SDC2: variants seen among roughly 807,000 people sequenced by gnomAD.
SDC2 encodes syndecan-2.
A neutral mutation model predicts 22.2 loss-of-function variants in SDC2; 13 were observed. That is an observed-to-expected ratio of 0.59 (90% CI 0.38 to 0.93). The LOEUF (loss-of-function observed/expected upper bound fraction) is 0.93. Ranked by LOEUF, SDC2 falls within the 40% of genes least tolerant of loss-of-function variation. The pLI is 0.00. For synonymous variants in SDC2, 94 were observed against 92.8 expected (o/e 1.01, Z -0.07); for missense variants, 235 against 246.8 (o/e 0.95, Z 0.32).
At chr8:96,498,810 C>T (rs1014402187) in intron 1 of SDC2, among the ~76,000 whole-genome samples, 3 of 152,204 alleles carry the variant, frequency 2.0e-5, no homozygotes, top group Non-Finnish European at 4.4e-5. Context: ...TCCTGCAGCA[C>T]TAATCTTGAT....
intron 4 of SDC2, 28 bp from the exon 5 acceptor site, chr8:96,609,357 A>G (rs755923185): frequency 2.7e-5 from 43 of 1,588,264 alleles, no homozygotes; most frequent in East Asian, 4.5e-5. Context: ...AATCTCTTCT[A>G]AAGTAATCTT....
chr8:96,573,917 T>A (rs1814443971), intron 1 of SDC2, among the ~76,000 whole-genome samples: 1 of 152,030 alleles, frequency 6.6e-6, no homozygotes, highest in South Asian at 2.1e-4. Flanking sequence ...ACACACACCC[T>A]ACCCTTTATC....
rs2130436588 is a variant in SDC2 at position 96,508,703 on chromosome 8, T to A, written c.60+14372T>A. ...TCATTGTCTATAACTGTCTCACAAC[T>A]GCTAGGCGGTATTACTTGCCAAGGC... is the stretch of plus-strand genomic sequence containing the variant. On this transcript the variant is annotated intron_variant, in intron 1 of 4. Transcript: ENST00000302190. 1.4e-5 allele frequency among the ~76,000 whole-genome samples: 2 copies of A among 142,006 alleles called. 1 individual carries two copies. Among genetic ancestry groups the A allele is most frequent in the East Asian group, 3.9e-4 (2 of 5,122 alleles). 93.2% of individuals were successfully genotyped at this position (142,006 alleles called of 152,430 possible).
intron 1 of SDC2, among the ~76,000 whole-genome samples, chr8:96,572,297 C>T (rs566594127): frequency 3.9e-5 from 6 of 152,298 alleles, no homozygotes; most frequent in Non-Finnish European, 7.4e-5. Context: ...AATCTTTCAT[C>T]TTATGGAAAG....
chr8:96,569,398 C>T (rs557027963), intron 1 of SDC2, among the ~76,000 whole-genome samples: 187 of 152,280 alleles, frequency 1.2e-3, no homozygotes, highest in South Asian at 4.8e-3. Context: ...GTTAGGTTCT[C>T]TTACTGGGCC....
rs989399780 is a variant in SDC2 at position 96,506,995 on chromosome 8, C to T, written c.60+12664C>T. Among the ~76,000 whole-genome samples the T allele has an allele frequency of 2.1e-4, 27 of 130,782 alleles. 1 individual carries two copies. The highest frequency in any genetic ancestry group is 7.9e-4 in the African/African-American group (26 of 32,742). 85.8% of individuals were successfully genotyped at this position (130,782 alleles called of 152,430 possible). On this transcript the variant is annotated intron_variant, in intron 1 of 4. Transcript: ENST00000302190. ...CCGCACTCCAGCCTGGGCAACAGAGCGAGACTCTGTCTCAGGAAAAAAAAA... is the reference window on the plus strand; with the variant it reads ...CCGCACTCCAGCCTGGGCAACAGAGTGAGACTCTGTCTCAGGAAAAAAAAA...
chr8:96,587,378 T>C (rs1814704558), intron 1 of SDC2, among the ~76,000 whole-genome samples: 2 of 152,336 alleles, frequency 1.3e-5, no homozygotes, highest in South Asian at 4.1e-4. Flanking sequence ...TACTAGTTAG[T>C]TCTCTGTAAA....
intron 1 of SDC2, among the ~76,000 whole-genome samples, chr8:96,542,552 G>A (rs985579081): frequency 2.0e-5 from 3 of 152,010 alleles, no homozygotes; most frequent in African/African-American, 7.3e-5. Context: ...TTTTCCAGTG[G>A]TCTCAAAGAA....
intron 3 of SDC2, among the ~76,000 whole-genome samples, chr8:96,604,928 C>T (rs1221637589): frequency 3.9e-5 from 6 of 152,172 alleles, no homozygotes; most frequent in Non-Finnish European, 7.3e-5. Context: ...TGCTTCCATA[C>T]GATAAAACAT....
chr8:96,591,497 G>C (rs922246621), intron 1 of SDC2, among the ~76,000 whole-genome samples: 3 of 152,094 alleles, frequency 2.0e-5, no homozygotes, highest in African/African-American at 7.2e-5. Flanking sequence ...CATTTTGAGA[G>C]GGACAGAGAA....
At chr8:96,501,400 G>A (rs890130675) in intron 1 of SDC2, among the ~76,000 whole-genome samples, 7 of 128,762 alleles carry the variant, frequency 5.4e-5, no homozygotes, top group Non-Finnish European at 7.8e-5. Context: ...TCCTCCCCCC[G>A]TTCAAGTGAA....
intron 1 of SDC2, among the ~76,000 whole-genome samples, chr8:96,568,733 A>G (rs192156299): frequency 5.9e-5 from 9 of 152,346 alleles, no homozygotes; most frequent in African/African-American, 1.9e-4. Context: ...TCAGGCCACC[A>G]TTTTAGAAGT....
intron 1 of SDC2, among the ~76,000 whole-genome samples, chr8:96,560,829 G>C (rs1490756335): frequency 6.6e-6 from 1 of 152,172 alleles, no homozygotes; most frequent in Non-Finnish European, 1.5e-5. Flanking sequence ...AGATATGCCG[G>C]GCGTGATGGC....
intron 1 of SDC2, among the ~76,000 whole-genome samples, chr8:96,515,613 A>G (rs1455134076): frequency 6.6e-6 from 1 of 152,184 alleles, no homozygotes. Flanking sequence ...GAAAATTCCC[A>G]GCAGATTTTT....
At chr8:96,552,830 G>T (rs1166119257) in intron 1 of SDC2, among the ~76,000 whole-genome samples, 1 of 152,110 alleles carries the variant, frequency 6.6e-6, no homozygotes, top group Non-Finnish European at 1.5e-5. Context: ...CCCTCCCCCA[G>T]GTTAGGAGAC....
At chr8:96,495,679 C>CT (rs1352290065) in intron 1 of SDC2, among the ~76,000 whole-genome samples, 1 of 152,180 alleles carries the variant, frequency 6.6e-6, no homozygotes, top group Admixed American at 6.5e-5. Flanking sequence ...CCCTCCCCCC[C>CT]TTTTTTGTGC....
chr8:96,564,468 G>A (rs1182218578), intron 1 of SDC2, among the ~76,000 whole-genome samples: 1 of 152,176 alleles, frequency 6.6e-6, no homozygotes, highest in African/African-American at 2.4e-5. Context: ...ACTTCTCATT[G>A]CACTTGCATT....
intron 1 of SDC2, among the ~76,000 whole-genome samples, chr8:96,563,307 G>A (rs1272740490): frequency 6.6e-6 from 1 of 152,096 alleles, no homozygotes; most frequent in Non-Finnish European, 1.5e-5. Flanking sequence ...CCAATTTTCA[G>A]GGAGAGTGCG....
At chr8:96,555,158 C>A in intron 1 of SDC2, among the ~76,000 whole-genome samples, 1 of 151,964 alleles carries the variant, frequency 6.6e-6, no homozygotes, top group Non-Finnish European at 1.5e-5. Context: ...AGGATGGGAT[C>A]TTTTGCCAGT....
Sources: gnomAD v4.1 joint callset for allele counts (sites outside exome capture counted in the v4.1 genomes callset) on GRCh38, gnomAD v4.1.1 for gene constraint, MANE v1.5 for transcripts, NCBI Gene and HGNC (gene_info 2026-07-23, HGNC 2026-07-21) for gene names.